The following VTI1A variants were observed in gnomAD, a reference collection of about 807,000 sequenced individuals.
The protein encoded by VTI1A is vesicle transport through interaction with t-SNAREs homolog 1A.
Under a neutral mutation model 34.9 loss-of-function variants are expected in VTI1A, and 22 were observed. The observed-to-expected ratio is 0.63, with a 90% CI of 0.45 to 0.90. VTI1A has a LOEUF of 0.90. Among genes scored for constraint, VTI1A ranks in the 40% least tolerant of loss-of-function variants. The pLI is 0.00. For missense variants in VTI1A, 268 were observed against 275.6 expected (o/e 0.97, Z 0.20); for synonymous variants, 87 against 97.3 (o/e 0.89, Z 0.62).
intron 5 of VTI1A, among the ~76,000 whole-genome samples, chr10:112,564,306 TAGAA>T (rs1204519692): frequency 6.6e-6 from 1 of 151,550 alleles, no homozygotes; most frequent in African/African-American, 2.4e-5. Context: ...ACAAAAGCAA[TAGAA>T]AGAAAAGATG....
intron 7 of VTI1A, among the ~76,000 whole-genome samples, chr10:112,709,426 A>G (rs1028142591): frequency 3.3e-5 from 5 of 151,988 alleles, no homozygotes; most frequent in South Asian, 4.1e-4. Flanking sequence ...CTTCTCTGCA[A>G]TGCAGCCTCT....
the VTI1A span, among the ~76,000 whole-genome samples, chr10:112,846,004 C>T: frequency 1.3e-5 from 2 of 152,044 alleles, no homozygotes; most frequent in Admixed American, 6.5e-5. Flanking sequence ...GGTGACAGAG[C>T]GAGGCTCTGT....
rs933587167 is a variant in VTI1A at position 112,636,449 on chromosome 10, G to A, written c.428-31769G>A. Among the ~76,000 whole-genome samples the A allele has an allele frequency of 2.6e-5, 4 of 152,228 alleles. No homozygotes were observed. The East Asian group carries it at 5.8e-4, about 22-fold the overall frequency. On this transcript the variant is annotated intron_variant, in intron 5 of 7. Coordinates refer to ENST00000393077, the MANE Select transcript of VTI1A (RefSeq NM_145206.4). ...TCAAATAGATTATAAACTCCAGCCGGGTGCAGTGGCTCATGCCAGTAATAC... is the reference window on the plus strand; with the variant it reads ...TCAAATAGATTATAAACTCCAGCCGAGTGCAGTGGCTCATGCCAGTAATAC...
intron 7 of VTI1A, among the ~76,000 whole-genome samples, chr10:112,734,903 A>G (rs1268742232): frequency 6.6e-6 from 1 of 152,022 alleles, no homozygotes; most frequent in African/African-American, 2.4e-5. Context: ...AAGTGCTGGG[A>G]TTATAGGCAT....
chr10:112,552,294 TAA>T (rs1225026079), intron 5 of VTI1A, among the ~76,000 whole-genome samples: 10 of 152,350 alleles, frequency 6.6e-5, no homozygotes, highest in Admixed American at 5.2e-4. Flanking sequence ...GAATATGTAT[TAA>T]GTTTTATTTG....
chr10:112,748,358 A>C (rs933760574), intron 7 of VTI1A, among the ~76,000 whole-genome samples: 22 of 152,160 alleles, frequency 1.4e-4, no homozygotes, highest in Non-Finnish European at 3.2e-4. Context: ...AGTGTAGAAC[A>C]CTAAAAAAGC....
In VTI1A at chr10:112,502,024, C is replaced by CTTT. The variant is rs71489973; in HGVS notation, c.265-25045_265-25043dup. ...CTGCCCATGTTCCCTAGAATCCTTA[C>CTTT]TTTTTTTTTTTTTTTTTTTTGGAGA... On this transcript the variant is annotated intron_variant, in intron 3 of 7. Coordinates refer to ENST00000393077, the MANE Select transcript of VTI1A (RefSeq NM_145206.4). 1.1e-3 allele frequency among the ~76,000 whole-genome samples: 133 copies of CTTT among 119,318 alleles called. 1 individual carries two copies. The highest frequency in any genetic ancestry group is 4.0e-3 in the African/African-American group (127 of 32,150). The allele number at this position is 119,318 out of a possible 152,430, so 78.3% of individuals were successfully genotyped here.
At chr10:112,822,134 C>G (rs1283308157), downstream of VTI1A, among the ~76,000 whole-genome samples, 2 of 152,028 alleles carry the variant, frequency 1.3e-5, no homozygotes, top group Non-Finnish European at 2.9e-5. Context: ...ATGAGGGAGC[C>G]TGAGTGGTCT....
intron 5 of VTI1A, among the ~76,000 whole-genome samples, chr10:112,650,137 C>T (rs1049375091): frequency 3.9e-5 from 6 of 152,188 alleles, no homozygotes; most frequent in African/African-American, 1.4e-4. Context: ...TTCGTAATAA[C>T]GCTTAGCTTA....
In VTI1A at chr10:112,585,670, T is replaced by TC. The variant is rs1216292614; in HGVS notation, c.427+47340_427+47341insC. On this transcript the variant is annotated intron_variant, in intron 5 of 7. Transcript: ENST00000393077. ...ACAAAAGATTGTGGATTTCTTTTTT[T>TC]TTTTTTTTTTTTTGGTTGTGTCACA... 1.5e-4 allele frequency among the ~76,000 whole-genome samples: 22 copies of TC among 150,766 alleles called. No individual in the cohort carries two copies. In the South Asian group the frequency reaches 4.4e-3, roughly 30 times the overall value.
chr10:112,492,729 G>A (rs1848872921), intron 3 of VTI1A, among the ~76,000 whole-genome samples: 1 of 150,860 alleles, frequency 6.6e-6, no homozygotes, highest in Non-Finnish European at 1.5e-5. Flanking sequence ...AAAGGTTGTA[G>A]TGAGCCAAGA....
chr10:112,518,856 ATCTT>A (rs1358046972), intron 3 of VTI1A, among the ~76,000 whole-genome samples: 2 of 151,794 alleles, frequency 1.3e-5, no homozygotes, highest in African/African-American at 2.4e-5. Context: ...AAAATGGAGA[ATCTT>A]TCAGGAAGAA....
rs193091304 is a variant in VTI1A, at chr10:112,591,247, G to A, written c.427+52917G>A. On this transcript the variant is annotated intron_variant, in intron 5 of 7. Transcript: ENST00000393077. ...TTAGAAGAGATACTGTTGACCGGGC[G>A]TGGTGGCTCACGCCTGTAATCCCAG... Among the ~76,000 whole-genome samples the A allele has an allele frequency of 1.0e-3, 156 of 152,016 alleles. 1 individual carries two copies. The highest frequency in any genetic ancestry group is 1.9e-3 in the Non-Finnish European group (127 of 67,986).
chr10:112,494,438 T>C (rs1220021270), intron 3 of VTI1A, among the ~76,000 whole-genome samples: 1 of 152,166 alleles, frequency 6.6e-6, no homozygotes, highest in East Asian at 1.9e-4. Context: ...CATTTGCTCT[T>C]CTTTTTCTAG....
intron 3 of VTI1A, among the ~76,000 whole-genome samples, chr10:112,473,963 T>C (rs1052345417): frequency 6.6e-6 from 1 of 152,230 alleles, no homozygotes; most frequent in Admixed American, 6.5e-5. Context: ...CAAATTTGCA[T>C]GGTTCTGAGA....
intron 2 of VTI1A, among the ~76,000 whole-genome samples, chr10:112,463,875 C>A (rs1410781907): frequency 1.3e-5 from 2 of 152,152 alleles, no homozygotes; most frequent in African/African-American, 2.4e-5. Flanking sequence ...ACTTTATCTT[C>A]CCATAGTTGT....
rs3057346 is a variant in VTI1A at position 112,611,737 on chromosome 10, A to ATTTTTTTTTTTTTT, written c.428-56472_428-56459dup. ...TAAAGCCCATTTGGTGAGAAAGGTA[A>ATTTTTTTTTTTTTT]TTTTTTTTTTTTTTTTTTTTTTGTG... On this transcript the variant is annotated intron_variant, in intron 5 of 7. Transcript: ENST00000393077. Among the ~76,000 whole-genome samples the ATTTTTTTTTTTTTT allele has an allele frequency of 7.6e-3, 761 of 100,754 alleles. 82 individuals are homozygous for ATTTTTTTTTTTTTT. Among genetic ancestry groups the ATTTTTTTTTTTTTT allele is most frequent in the African/African-American group, 0.032 (722 of 22,316 alleles). The allele number at this position is 100,754 out of a possible 152,430, so 66.1% of individuals were successfully genotyped here.
At chr10:112,672,387 A>G (rs1847882877) in intron 7 of VTI1A, among the ~76,000 whole-genome samples, 1 of 152,150 alleles carries the variant, frequency 6.6e-6, no homozygotes, top group South Asian at 2.1e-4. Context: ...ATAATAGTAA[A>G]ACTCGACATC....
chr10:112,726,869 T>C (rs1174336111), intron 7 of VTI1A, among the ~76,000 whole-genome samples: 1 of 152,102 alleles, frequency 6.6e-6, no homozygotes, highest in Non-Finnish European at 1.5e-5. Context: ...GGGGGTCAGT[T>C]TCAAATCACT....
Sources: allele counts gnomAD v4.1 joint callset (sites outside exome capture counted in the v4.1 genomes callset), GRCh38; gene constraint gnomAD v4.1.1; transcripts MANE v1.5; gene names NCBI Gene and HGNC (gene_info 2026-07-23, HGNC 2026-07-21).